The following ENAH variants were observed in gnomAD, a reference collection of about 807,000 sequenced individuals.
ENAH encodes ENAH actin regulator, also known as protein enabled homolog.
In ENAH, 23 loss-of-function variants were observed where a neutral mutation model predicts 78.7. The ratio of observed to expected loss-of-function variants is 0.29; its 90% confidence interval spans 0.21 to 0.41. The LOEUF (loss-of-function observed/expected upper bound fraction) is 0.41. Among genes scored for constraint, ENAH ranks in the 10% least tolerant of loss-of-function variants. The pLI, the probability that ENAH is intolerant of heterozygous loss-of-function variation, is 1.00. For synonymous variants in ENAH, 226 were observed against 241.0 expected (o/e 0.94, Z 0.58); for missense variants, 544 against 691.0 (o/e 0.79, Z 2.39).
chr1:225,641,684 C>T (rs1047528195), intron 1 of ENAH, among the ~76,000 whole-genome samples: 2 of 151,468 alleles, frequency 1.3e-5, no homozygotes, highest in African/African-American at 2.4e-5. Flanking sequence ...GTCCGGAGTT[C>T]GAGACCAGCC....
intron 10 of ENAH, among the ~76,000 whole-genome samples, chr1:225,510,993 C>A (rs956823342): frequency 1.3e-5 from 2 of 151,874 alleles, no homozygotes; most frequent in Non-Finnish European, 2.9e-5. Flanking sequence ...TGCACTCCAG[C>A]CTGGGCAACA....
chr1:225,498,426 C>T, intron 12 of ENAH, 22 bp from the exon 13 acceptor site: 3 of 1,448,866 alleles, frequency 2.1e-6, no homozygotes, highest in Non-Finnish European at 2.9e-6. Context: ...GAGAAAAATA[C>T]CAGAAATACA....
intron 6 of ENAH, among the ~76,000 whole-genome samples, chr1:225,515,779 C>T (rs1173991749): frequency 6.6e-6 from 1 of 152,138 alleles, no homozygotes; most frequent in Non-Finnish European, 1.5e-5. Context: ...AAGCAGAAAA[C>T]ATCAATTGTT....
intron 1 of ENAH, among the ~76,000 whole-genome samples, chr1:225,585,597 G>C (rs1238451524): frequency 6.6e-6 from 1 of 152,074 alleles, no homozygotes; most frequent in Non-Finnish European, 1.5e-5. Flanking sequence ...AGACCAACCT[G>C]ACCAACATGG....
chr1:225,582,412 CTT>C (rs1339716777), intron 1 of ENAH, among the ~76,000 whole-genome samples: 1 of 152,166 alleles, frequency 6.6e-6, no homozygotes, highest in Non-Finnish European at 1.5e-5. Flanking sequence ...GGAGTCAACT[CTT>C]TTAAGAAAGG....
At chr1:225,573,717 A>C (rs529513515) in intron 1 of ENAH, among the ~76,000 whole-genome samples, 8 of 152,332 alleles carry the variant, frequency 5.3e-5, no homozygotes, top group Admixed American at 5.2e-4. Flanking sequence ...GCAAAAGAGG[A>C]GGCAATCAAA....
intron 2 of ENAH, among the ~76,000 whole-genome samples, chr1:225,563,630 T>C (rs934107696): frequency 6.6e-6 from 1 of 152,216 alleles, no homozygotes; most frequent in African/African-American, 2.4e-5. Context: ...CCCTATTTGA[T>C]CAAGAAGTGC....
chr1:225,562,622 C>T (rs2151480039), intron 2 of ENAH, among the ~76,000 whole-genome samples: 1 of 139,746 alleles, frequency 7.2e-6, no homozygotes, highest in East Asian at 2.3e-4. Flanking sequence ...GCATAGTACC[C>T]ATAAGCACTT....
At chr1:225,621,362 G>A (rs959268587) in intron 1 of ENAH, among the ~76,000 whole-genome samples, 5 of 149,824 alleles carry the variant, frequency 3.3e-5, no homozygotes, top group African/African-American at 9.9e-5. Context: ...GCGGGATCTC[G>A]GCTCACTGCA....
chr1:225,563,119 T>C (rs74725417), intron 2 of ENAH, among the ~76,000 whole-genome samples: 6,561 of 152,262 alleles, frequency 0.043, 230 homozygotes, highest in South Asian at 0.11. Context: ...AAAATGCGAG[T>C]GGCTTTTATA....
At chr1:225,652,307 CG>C in intron 1 of ENAH, 1 of 983,580 alleles carries the variant, frequency 1.0e-6, no homozygotes, top group Non-Finnish European at 1.2e-6. Flanking sequence ...TACATATATA[CG>C]AAAAAATACC....
In ENAH at chr1:225,524,702, C is replaced by T. The variant is rs575149064; in HGVS notation, c.435-5137G>A. 2.0e-4 allele frequency: 185 copies of T among 939,472 alleles called. 2 individuals carry two copies. In the South Asian group the frequency reaches 3.2e-3, roughly 16 times the overall value. 58.2% of individuals were successfully genotyped at this position (939,472 alleles called of 1,614,324 possible). A position where few individuals can be genotyped will look rare whatever the true frequency, so the allele number is the denominator to read the frequency against. ...TTGTTCCAACTGCTCAGTTCTGTGC[C>T]GCAATTATTATTCCCCTTTTATAAC... On this transcript the variant is annotated intron_variant, in intron 4 of 13. Coordinates refer to ENST00000366843, the MANE Select transcript of ENAH (RefSeq NM_018212.6).
intron 3 of ENAH, among the ~76,000 whole-genome samples, chr1:225,553,680 C>T (rs1008922279): frequency 6.6e-6 from 1 of 151,988 alleles, no homozygotes; most frequent in Non-Finnish European, 1.5e-5. Flanking sequence ...AATACTGACA[C>T]CTAGGAGAGA....
intron 1 of ENAH, among the ~76,000 whole-genome samples, chr1:225,585,390 T>C (rs554816891): frequency 6.6e-6 from 1 of 152,208 alleles, no homozygotes; most frequent in South Asian, 2.1e-4. Flanking sequence ...CTTTGACTCA[T>C]TTGATATTTT....
intron 3 of ENAH, among the ~76,000 whole-genome samples, chr1:225,546,087 C>T (rs2096612517): frequency 6.6e-6 from 1 of 151,782 alleles, no homozygotes; most frequent in South Asian, 2.1e-4. Context: ...TCATGCCCAC[C>T]TAATTTTTAA....
chr1:225,522,688 G>T (rs1187478676), intron 4 of ENAH, among the ~76,000 whole-genome samples: 2 of 152,184 alleles, frequency 1.3e-5, no homozygotes, highest in Non-Finnish European at 2.9e-5. Context: ...GCTGGAGCCT[G>T]TATTAAATTT....
At chr1:225,600,585 T>C (rs1032006388) in intron 1 of ENAH, among the ~76,000 whole-genome samples, 3 of 151,938 alleles carry the variant, frequency 2.0e-5, no homozygotes, top group Non-Finnish European at 2.9e-5. Context: ...AGGCTGAGAA[T>C]AGTAGCTCAT....
At chr1:225,510,992 G>A (rs2096372713) in intron 10 of ENAH, among the ~76,000 whole-genome samples, 1 of 152,088 alleles carries the variant, frequency 6.6e-6, no homozygotes, top group Non-Finnish European at 1.5e-5. Context: ...CTGCACTCCA[G>A]CCTGGGCAAC....
chr1:225,579,615 G>A (rs2096805025), intron 1 of ENAH, among the ~76,000 whole-genome samples: 1 of 152,108 alleles, frequency 6.6e-6, no homozygotes, highest in South Asian at 2.1e-4. Flanking sequence ...CATGCACACA[G>A]AAACATGAAG....
Sources: gnomAD v4.1 joint callset for allele counts (sites outside exome capture counted in the v4.1 genomes callset) on GRCh38, gnomAD v4.1.1 for gene constraint, MANE v1.5 for transcripts, NCBI Gene and HGNC (gene_info 2026-07-23, HGNC 2026-07-21) for gene names.